SLC35F3: variants seen among roughly 807,000 people sequenced by gnomAD.
SLC35F3 encodes solute carrier family 35 member F3.
In SLC35F3, 25 loss-of-function variants were observed where a neutral mutation model predicts 49.9. The observed-to-expected ratio is 0.50, with a 90% CI of 0.37 to 0.70. The LOEUF (loss-of-function observed/expected upper bound fraction) is 0.70. Ranked by LOEUF, SLC35F3 falls within the 30% of genes least tolerant of loss-of-function variation. The pLI is 0.00. For synonymous variants in SLC35F3, 275 were observed against 265.4 expected (o/e 1.04, Z -0.35); for missense variants, 525 against 639.8 (o/e 0.82, Z 1.94).
intron 2 of SLC35F3, among the ~76,000 whole-genome samples, chr1:234,041,227 T>C: frequency 6.6e-6 from 1 of 152,278 alleles, no homozygotes; most frequent in Admixed American, 6.5e-5. Flanking sequence ...ACACATTAAG[T>C]GTTTGTTTCT....
chr1:233,982,195 G>A (rs1663197035), intron 2 of SLC35F3, among the ~76,000 whole-genome samples: 1 of 152,166 alleles, frequency 6.6e-6, no homozygotes, highest in African/African-American at 2.4e-5. Flanking sequence ...AAAGTCTTGG[G>A]ATTACCGGCA....
intron 3 of SLC35F3, among the ~76,000 whole-genome samples, chr1:234,259,765 G>A (rs1473928161): frequency 6.6e-6 from 1 of 151,940 alleles, no homozygotes; most frequent in Admixed American, 6.6e-5. Flanking sequence ...AATTTCTCTA[G>A]TGGACTGTTT....
chr1:234,256,117 T>A (rs925935004), intron 3 of SLC35F3, among the ~76,000 whole-genome samples: 3 of 152,198 alleles, frequency 2.0e-5, no homozygotes, highest in African/African-American at 7.2e-5. Flanking sequence ...AGTCTATTCA[T>A]AATTTTAATG....
intron 3 of SLC35F3, among the ~76,000 whole-genome samples, chr1:234,241,005 C>T (rs939327732): frequency 2.0e-5 from 3 of 152,200 alleles, no homozygotes; most frequent in African/African-American, 4.8e-5. Flanking sequence ...AAAGCAATGT[C>T]CTGTCAAGCT....
chr1:234,081,813 C>T (rs1463562163), intron 2 of SLC35F3, among the ~76,000 whole-genome samples: 2 of 151,140 alleles, frequency 1.3e-5, no homozygotes, highest in African/African-American at 4.9e-5. Context: ...TCTGGGCTCA[C>T]TGCAAGCTCC....
At chr1:234,227,694 G>A (rs866273145) in intron 2 of SLC35F3, among the ~76,000 whole-genome samples, 1 of 151,864 alleles carries the variant, frequency 6.6e-6, no homozygotes, top group Non-Finnish European at 1.5e-5. Context: ...CACCGTGCCC[G>A]GCCGGCACTG....
chr1:234,243,441 A>G (rs538889074), intron 3 of SLC35F3, among the ~76,000 whole-genome samples: 5 of 152,340 alleles, frequency 3.3e-5, no homozygotes, highest in African/African-American at 4.8e-5. Flanking sequence ...TTAAAGTTGG[A>G]CAAAAGTTGG....
chr1:234,240,471 G>A (rs1373076298), intron 3 of SLC35F3, among the ~76,000 whole-genome samples: 1 of 151,876 alleles, frequency 6.6e-6, no homozygotes, highest in East Asian at 1.9e-4. Flanking sequence ...TGGACATGGT[G>A]GCACGTCCCT....
At chr1:234,084,104 G>A (rs1049842728) in intron 2 of SLC35F3, among the ~76,000 whole-genome samples, 4 of 152,048 alleles carry the variant, frequency 2.6e-5, no homozygotes, top group African/African-American at 9.7e-5. Context: ...CTGCCAAAGT[G>A]CTGGGATTAC....
intron 4 of SLC35F3, among the ~76,000 whole-genome samples, chr1:234,313,612 G>A (rs1412220506): frequency 2.0e-5 from 3 of 152,118 alleles, no homozygotes; most frequent in African/African-American, 2.4e-5. Context: ...GAGGGCTGGG[G>A]GGGACAGGAC....
chr1:234,283,017 C>T (rs531350388), intron 3 of SLC35F3, among the ~76,000 whole-genome samples: 75 of 152,314 alleles, frequency 4.9e-4, no homozygotes, highest in African/African-American at 1.7e-3. Context: ...GCTGTTCTTT[C>T]TTAAAAGAAA....
intron 2 of SLC35F3, among the ~76,000 whole-genome samples, chr1:234,140,002 A>AATAAAATAAAAAAATAAAATAAAATAAT: frequency 9.5e-6 from 1 of 105,368 alleles, no homozygotes; most frequent in Non-Finnish European, 2.4e-5. Context: ...AATAAAATAA[A>AATAAAATAAAAAAATAAAATAAAATAAT]GTAAGTGACT....
intron 2 of SLC35F3, among the ~76,000 whole-genome samples, chr1:234,082,252 T>C (rs951980772): frequency 6.6e-6 from 1 of 152,164 alleles, no homozygotes; most frequent in Non-Finnish European, 1.5e-5. Flanking sequence ...TGTAATTTTA[T>C]AAACAAGACA....
At chr1:234,258,588 C>T (rs1306159497) in intron 3 of SLC35F3, among the ~76,000 whole-genome samples, 1 of 152,162 alleles carries the variant, frequency 6.6e-6, no homozygotes, top group African/African-American at 2.4e-5. Flanking sequence ...GAACAAGGAG[C>T]GAATAGTTTT....
chr1:233,972,823 T>C (rs1663017747), intron 2 of SLC35F3, among the ~76,000 whole-genome samples: 1 of 152,268 alleles, frequency 6.6e-6, no homozygotes, highest in African/African-American at 2.4e-5. Context: ...GGCTGTTTTA[T>C]TTATTTTAGA....
intron 2 of SLC35F3, among the ~76,000 whole-genome samples, chr1:234,168,671 G>T (rs1307064162): frequency 6.6e-6 from 1 of 152,248 alleles, no homozygotes; most frequent in Admixed American, 6.5e-5. Context: ...AGAGGTGAGG[G>T]TTCAAGACTG....
chr1:234,076,716 C>T (rs573194762), intron 2 of SLC35F3, among the ~76,000 whole-genome samples: 1 of 152,208 alleles, frequency 6.6e-6, no homozygotes, highest in Non-Finnish European at 1.5e-5. Context: ...CAGCCTCGCC[C>T]TCCCAAAGTG....
chr1:234,059,470 A>T (rs1664506213), intron 2 of SLC35F3, among the ~76,000 whole-genome samples: 2 of 151,770 alleles, frequency 1.3e-5, no homozygotes, highest in South Asian at 4.2e-4. Flanking sequence ...TACTTTACAC[A>T]TATTTATGAG....
At chr1:234,194,151 GC>G (rs1666770754) in intron 2 of SLC35F3, among the ~76,000 whole-genome samples, 1 of 152,094 alleles carries the variant, frequency 6.6e-6, no homozygotes, top group African/African-American at 2.4e-5. Flanking sequence ...AAAGATACTT[GC>G]ATACGCAAGC....
Sources: gnomAD v4.1 joint callset for allele counts (sites outside exome capture counted in the v4.1 genomes callset) on GRCh38, gnomAD v4.1.1 for gene constraint, MANE v1.5 for transcripts, NCBI Gene and HGNC (gene_info 2026-07-23, HGNC 2026-07-21) for gene names.